The following ZNF688 variants were observed in gnomAD, a reference collection of about 807,000 sequenced individuals.
ZNF688 encodes the protein zinc finger protein 688.
In ZNF688, 10 loss-of-function variants were observed where a neutral mutation model predicts 13.2. The observed-to-expected ratio is 0.76, with a 90% CI of 0.47 to 1.28. The LOEUF (loss-of-function observed/expected upper bound fraction) is 1.28. ZNF688 is among the 50% of genes most tolerant of loss of function. ZNF688 has a pLI of 0.00. For synonymous variants in ZNF688, 160 were observed against 159.4 expected, an observed-to-expected ratio of 1.00 and a Z score of -0.03; for missense variants, 381 against 391.4, an observed-to-expected ratio of 0.97 and a Z score of 0.22.
At chr16:30,572,191 G>A (rs1011922229), upstream of ZNF688, 3 of 1,607,120 alleles carry the variant, frequency 1.9e-6, no homozygotes, top group Non-Finnish European at 2.5e-6. Flanking sequence ...GCGGTGATTG[G>A]CCTGGGACTG....
At chr16:30,570,662 A>G (rs2051660500) in intron 2 of ZNF688, 1 of 531,242 alleles carries the variant, frequency 1.9e-6, no homozygotes, top group South Asian at 3.2e-5. Context: ...TCACAGCGTT[A>G]CTGGTTTAGC....
At chr16:30,572,235 G>A (rs778069014), upstream of ZNF688, 6 of 1,598,022 alleles carry the variant, frequency 3.8e-6, no homozygotes, top group African/African-American at 8.1e-5. Flanking sequence ...CGGTCCTGAA[G>A]CCTCTGTTGA....
At chr16:30,572,330 G>A (rs2051700931), upstream of ZNF688, 1 of 1,391,656 alleles carries the variant, frequency 7.2e-7, no homozygotes, top group South Asian at 1.6e-5. Flanking sequence ...TCCCGATGGC[G>A]GGAGCTGGAA....
upstream of ZNF688, chr16:30,573,853 A>G: frequency 2.6e-6 from 1 of 378,542 alleles, no homozygotes; most frequent in Non-Finnish European, 5.3e-6. Flanking sequence ...TATTACCTTG[A>G]GTTCTGGAAC....
chr16:30,571,925 A>C (rs895197880), upstream of ZNF688: 6 of 1,285,766 alleles, frequency 4.7e-6, no homozygotes, highest in African/African-American at 9.3e-5. Flanking sequence ...CAATTGTCAC[A>C]GGCTGCTCTT....
chr16:30,571,819 AT>A (rs2051691563), upstream of ZNF688: 62 of 1,309,748 alleles, frequency 4.7e-5, no homozygotes, highest in Non-Finnish European at 5.4e-5. Context: ...GACAAATATA[AT>A]TCCTCAGTGT....
At chr16:30,572,112 C>T (rs747464124), upstream of ZNF688, 6 of 1,568,314 alleles carry the variant, frequency 3.8e-6, no homozygotes, top group East Asian at 1.2e-4. Flanking sequence ...GGGCCCGAAG[C>T]TTCACTTACC....
chr16:30,576,247 T>C (rs765849083), upstream of ZNF688, among the ~76,000 whole-genome samples: 8 of 152,242 alleles, frequency 5.3e-5, no homozygotes, highest in Non-Finnish European at 8.8e-5. Flanking sequence ...AGTCTCGCTC[T>C]GTTGCCCAGG....
At position 30,571,082 on chromosome 16, in the gene ZNF688, G is replaced by A. The variant is rs201354209; in HGVS notation, c.238C>T (p.Gln80Ter). The A allele has an allele frequency of 4.7e-5, 76 of 1,603,380 alleles. No homozygotes were observed. Among genetic ancestry groups the A allele is most frequent in the Non-Finnish European group, 6.2e-5 (73 of 1,175,948 alleles). Reference protein sequence around the residue: ...PKPALISWMEQESEAWSPAAQ... With the variant: ...PKPALISWME The stretch of plus-strand genomic sequence containing the variant: ...GCGGGGCTCCAAGCCTCACTCTCCT[G>A]TTCCATCCAAGAGATGAGGGCTGGT... The change falls in exon 2 of 3, where the codon CAG becomes TAG. Residue 80 changes from glutamine to a stop codon, truncating the protein, a stop_gained. Transcript: ENST00000223459. LOFTEE classifies it high-confidence loss of function.
chr16:30,579,898 GTTTTT>G, the ZNF688 span: 5 of 453,446 alleles, frequency 1.1e-5, no homozygotes, highest in Non-Finnish European at 1.8e-5. Context: ...GTTTTGTTTT[GTTTTT>G]TGAGACTGGA....
upstream of ZNF688, among the ~76,000 whole-genome samples, chr16:30,576,605 G>A (rs2051750255): frequency 1.3e-5 from 2 of 151,848 alleles, no homozygotes; most frequent in South Asian, 4.2e-4. Flanking sequence ...CGCCCACCTC[G>A]GCCTCCTAAG....
chr16:30,571,052 G>C lies in ZNF688; in HGVS notation c.268C>G (p.Gln90Glu). The change falls in exon 2 of 3, where the codon CAG becomes GAG. Residue 90 changes from glutamine to glutamate, a missense_variant. Transcript: ENST00000223459. Reference protein sequence around the residue: ...QESEAWSPAAQDPEKGERLGG... With the variant: ...QESEAWSPAAEDPEKGERLGG... ...AGTCTTTCCCCCTTCTCAGGATCCT[G>C]GGCGGCGGGGCTCCAAGCCTCACTC... 6.2e-7 allele frequency: 1 copy of C among 1,611,658 alleles called. No individual in the cohort carries two copies. Among genetic ancestry groups the C allele is most frequent in the African/African-American group, 1.3e-5 (1 of 74,802 alleles).
chr16:30,571,311 G>A, intron 1 of ZNF688, 123 bp downstream of exon 1: 2 of 1,537,306 alleles, frequency 1.3e-6, no homozygotes, highest in Non-Finnish European at 1.7e-6. Context: ...CTGGGAACGG[G>A]AGGTGGCTGC....
chr16:30,571,623 G>A lies in ZNF688; in HGVS notation c.7C>T (p.Pro3Ser). The A allele has an allele frequency of 1.4e-6, 2 of 1,463,358 alleles. No homozygotes were observed. Among genetic ancestry groups the A allele is most frequent in the Non-Finnish European group, 1.8e-6 (2 of 1,112,338 alleles). 90.6% of individuals were successfully genotyped at this position (1,463,358 alleles called of 1,614,324 possible). ...GGCGCCAGGAGCGGGGCTGGGGGCGGCGCCATGGGGCCTCGCAGCCCCGAT... is the reference window on the plus strand; with the variant it reads ...GGCGCCAGGAGCGGGGCTGGGGGCGACGCCATGGGGCCTCGCAGCCCCGAT... MA[P>S]PPAPLLAPRP... Residue 3 changes from proline (P) to serine (S), a missense_variant, in exon 1 of 3, where the codon CCG becomes TCG. By Grantham distance (74) the Pro-to-Ser change is moderately conservative (BLOSUM62 -1). Coordinates refer to ENST00000223459, the MANE Select transcript of ZNF688 (RefSeq NM_145271.4).
upstream of ZNF688, chr16:30,572,267 C>A (rs2051699214): frequency 1.3e-6 from 2 of 1,536,334 alleles, no homozygotes; most frequent in South Asian, 2.4e-5. Context: ...GCAGCGGAGA[C>A]CTCGGCATCT....
upstream of ZNF688, among the ~76,000 whole-genome samples, chr16:30,576,485 C>T (rs1460045035): frequency 1.3e-5 from 2 of 151,852 alleles, no homozygotes; most frequent in Non-Finnish European, 2.9e-5. Flanking sequence ...GCTGGGATTA[C>T]AGGCGTGAGC....
Position 30,571,109 on chromosome 16 carries a change from T to C in ZNF688, c.211A>G (p.Lys71Glu), listed in dbSNP as rs914992477. 6.3e-7 allele frequency: 1 copy of C among 1,579,984 alleles called. No individual in the cohort carries two copies. Among genetic ancestry groups the C allele is most frequent in the African/African-American group, 1.4e-5 (1 of 73,052 alleles). ...HLGALGFPGPKPALISWMEQE... is the reference protein window; with the variant it reads ...HLGALGFPGPEPALISWMEQE... Reference sequence around the variant, plus strand: ...TCCATCCAAGAGATGAGGGCTGGTTTGGGGCCTGGGAATCCTGGGAGAGAA... The same window carrying C: ...TCCATCCAAGAGATGAGGGCTGGTTCGGGGCCTGGGAATCCTGGGAGAGAA... Residue 71 changes from lysine to glutamate, a missense_variant, in exon 2 of 3, where the codon AAA (lysine) becomes GAA (glutamate). Physicochemically the swap from Lys to Glu is moderately conservative, Grantham distance 56 (BLOSUM62 1). Coordinates refer to ENST00000223459, the MANE Select transcript of ZNF688 (RefSeq NM_145271.4).
chr16:30,570,242 C>G lies in ZNF688; in HGVS notation c.505G>C (p.Ala169Pro). The change falls in exon 3 of 3, where the codon GCA becomes CCA. Residue 169 changes from alanine (A) to proline (P), a missense_variant. Ala to Pro is a conservative substitution (Grantham distance 27). Coordinates refer to ENST00000223459, the MANE Select transcript of ZNF688 (RefSeq NM_145271.4). ...WDPTTGAQPPAPIPSMDAQAG... is the reference protein window; with the variant it reads ...WDPTTGAQPPPPIPSMDAQAG... The stretch of plus-strand genomic sequence containing the variant: ...TGAGCATCCATGCTGGGTATGGGTG[C>G]CGGGGGCTGTGCTCCTGTGGTCGGG... The G allele has an allele frequency of 1.2e-6, 2 of 1,613,540 alleles. No individual in the cohort carries two copies. The highest frequency in any genetic ancestry group is 1.7e-6 in the Non-Finnish European group (2 of 1,179,862).
upstream of ZNF688, among the ~76,000 whole-genome samples, chr16:30,575,670 T>C (rs2051739020): frequency 1.3e-5 from 2 of 152,076 alleles, no homozygotes; most frequent in East Asian, 3.8e-4. Flanking sequence ...TCTTTTTTTT[T>C]TTGGAGAAGG....
Sources: allele counts gnomAD v4.1 joint callset (sites outside exome capture counted in the v4.1 genomes callset), GRCh38; gene constraint gnomAD v4.1.1; transcripts MANE v1.5; gene names NCBI Gene and HGNC (gene_info 2026-07-23, HGNC 2026-07-21).